Variants in UBAC2 observed in about 807,000 individuals in gnomAD.
UBAC2 encodes the protein ubiquitin-associated domain-containing protein 2.
A neutral mutation model predicts 44.0 loss-of-function variants in UBAC2; 26 were observed. The observed-to-expected ratio is 0.59, with a 90% CI of 0.43 to 0.82. The LOEUF (loss-of-function observed/expected upper bound fraction) is 0.82. UBAC2 is among the 40% of genes least tolerant of loss of function. The probability of loss-of-function intolerance (pLI) is 0.00; values close to 1 mark genes in which losing one functional copy is unlikely to be tolerated. For missense variants in UBAC2, 329 were observed against 419.4 expected (o/e 0.78, Z 1.88); for synonymous variants, 155 against 154.3 (o/e 1.00, Z -0.04).
At chr13:99,253,421 C>A (rs2043485516) in intron 4 of UBAC2, among the ~76,000 whole-genome samples, 1 of 151,964 alleles carries the variant, frequency 6.6e-6, no homozygotes, top group African/African-American at 2.4e-5. Context: ...GTCTAAGGGA[C>A]CTTCTAGTGC....
intron 1 of UBAC2, among the ~76,000 whole-genome samples, chr13:99,216,042 T>C (rs1305109183): frequency 6.6e-6 from 1 of 152,070 alleles, no homozygotes; most frequent in Non-Finnish European, 1.5e-5. Context: ...GTTTTTGCCA[T>C]TAAAGGTAAA....
At chr13:99,232,410 A>G (rs1262342939) in intron 1 of UBAC2, among the ~76,000 whole-genome samples, 1 of 142,680 alleles carries the variant, frequency 7.0e-6, no homozygotes, top group African/African-American at 2.5e-5. Flanking sequence ...ATATAGATAT[A>G]TATATATATA....
chr13:99,361,126 T>A (rs2045259727), intron 7 of UBAC2, among the ~76,000 whole-genome samples: 1 of 152,246 alleles, frequency 6.6e-6, no homozygotes, highest in South Asian at 2.1e-4. Context: ...TGTATGTATG[T>A]ATGAATATAT....
intron 4 of UBAC2, among the ~76,000 whole-genome samples, chr13:99,287,643 C>CTTTTTTTTTTTTTTTTTTTT (rs11304203): frequency 3.2e-5 from 3 of 95,152 alleles, no homozygotes; most frequent in African/African-American, 1.4e-4. Flanking sequence ...TTTTTTCTTT[C>CTTTTTTTTTTTTTTTTTTTT]TTTTTTTTTT....
chr13:99,255,977 T>C, intron 4 of UBAC2: 2 of 1,071,358 alleles, frequency 1.9e-6, no homozygotes, highest in Non-Finnish European at 2.7e-6. Flanking sequence ...ATTCTCCCAC[T>C]CAGCTTGACT....
intron 4 of UBAC2, among the ~76,000 whole-genome samples, chr13:99,303,210 A>G (rs1437941548): frequency 2.2e-4 from 34 of 152,372 alleles, no homozygotes; most frequent in Admixed American, 2.0e-3. Context: ...AAAAAGACAG[A>G]AAAACATCTT....
chr13:99,276,314 C>G (rs117631409), intron 4 of UBAC2, among the ~76,000 whole-genome samples: 1 of 152,352 alleles, frequency 6.6e-6, no homozygotes, highest in Non-Finnish European at 1.5e-5. Context: ...GCCAGTCACA[C>G]GTTTCAGGAC....
chr13:99,255,279 A>T, intron 4 of UBAC2: 1 of 1,614,132 alleles, frequency 6.2e-7, no homozygotes, highest in African/African-American at 1.3e-5. Flanking sequence ...TGAACAAAGG[A>T]ATCAAGAAAA....
At chr13:99,206,335 G>A (rs1464190169) in intron 1 of UBAC2, among the ~76,000 whole-genome samples, 1 of 152,226 alleles carries the variant, frequency 6.6e-6, no homozygotes, top group African/African-American at 2.4e-5. Context: ...GCATGTAAGG[G>A]ATGGATAGAG....
intron 7 of UBAC2, among the ~76,000 whole-genome samples, chr13:99,353,902 G>A (rs760677889): frequency 5.3e-5 from 8 of 152,192 alleles, no homozygotes; most frequent in African/African-American, 9.7e-5. Context: ...GTTGACAGAC[G>A]TGGTTTTGTG....
intron 4 of UBAC2, among the ~76,000 whole-genome samples, chr13:99,276,265 C>G (rs2043880942): frequency 6.6e-6 from 1 of 152,150 alleles, no homozygotes; most frequent in South Asian, 2.1e-4. Flanking sequence ...TCCTACAAGT[C>G]AAAGAGCTCA....
rs1011473809 is a variant in UBAC2 at position 99,200,938 on chromosome 13, C to T, written c.30C>T (p.Leu10=). Residue 10 remains leucine (L), a splice_region_variant and synonymous_variant, in exon 1 of 9, where the codon CTC becomes CTT. Coordinates refer to ENST00000403766, the MANE Select transcript of UBAC2 (RefSeq NM_001144072.2). MFTSTGSSG[L]YKAPLSKSLL... ...TCACCAGCACCGGCTCCAGTGGGCT[C>T]TGTGAGTACCGGCCTCCGCCATCCT... 11 of 1,308,832 alleles carry T rather than the reference C, an allele frequency of 8.4e-6. No individual in the cohort carries two copies. Among genetic ancestry groups the T allele is most frequent in the Admixed American group, 6.3e-5 (2 of 31,718 alleles). The allele number at this position is 1,308,832 out of a possible 1,614,324, so 81.1% of individuals were successfully genotyped here. A position where few individuals can be genotyped will look rare whatever the true frequency, so the allele number is the denominator to read the frequency against.
At chr13:99,236,690 A>C (rs1440932742) in intron 1 of UBAC2, among the ~76,000 whole-genome samples, 2 of 152,180 alleles carry the variant, frequency 1.3e-5, no homozygotes, top group Admixed American at 1.3e-4. Context: ...TCTCTACTAA[A>C]AATACAGAAA....
chr13:99,314,306 G>C, intron 5 of UBAC2, 86 bp downstream of exon 5: 2 of 1,346,350 alleles, frequency 1.5e-6, no homozygotes, highest in Non-Finnish European at 9.6e-7. Flanking sequence ...TGATCTCCTT[G>C]AAAACAATGG....
rs559685194 is a variant in UBAC2 at position 99,333,548 on chromosome 13, C to A, written c.562-6772C>A. On this transcript the variant is annotated intron_variant, in intron 6 of 8. Transcript: ENST00000403766. ...CCAGACACTGTTCTAAGTGCAGAGG[C>A]CAAGTAGTGATCAAAAGCAACCCAA... Among the ~76,000 whole-genome samples the A allele has an allele frequency of 5.9e-5, 9 of 152,276 alleles. No individual in the cohort carries two copies. The East Asian group carries it at 1.5e-3, about 26-fold the overall frequency.
intron 4 of UBAC2, among the ~76,000 whole-genome samples, chr13:99,291,679 A>G (rs1331374373): frequency 3.3e-5 from 5 of 152,166 alleles, no homozygotes; most frequent in Admixed American, 3.3e-4. Flanking sequence ...TAATGTGTCT[A>G]ATTTAAATTA....
chr13:99,256,913 C>T (rs1441322652), intron 4 of UBAC2, among the ~76,000 whole-genome samples: 1 of 152,192 alleles, frequency 6.6e-6, no homozygotes, highest in African/African-American at 2.4e-5. Flanking sequence ...TCAAAAATGT[C>T]ACTTTGCAGA....
intron 4 of UBAC2, among the ~76,000 whole-genome samples, chr13:99,262,457 C>T (rs1354883125): frequency 1.3e-5 from 2 of 152,036 alleles, no homozygotes; most frequent in African/African-American, 2.4e-5. Flanking sequence ...AATCCCAGCA[C>T]TTTGGGAGGC....
At chr13:99,307,746 T>C (rs570489617) in intron 4 of UBAC2, among the ~76,000 whole-genome samples, 32 of 152,316 alleles carry the variant, frequency 2.1e-4, no homozygotes, top group Non-Finnish European at 4.4e-4. Context: ...TTTATATTGA[T>C]TTTGCATGTA....
Sources: allele counts gnomAD v4.1 joint callset (sites outside exome capture counted in the v4.1 genomes callset), GRCh38; gene constraint gnomAD v4.1.1; transcripts MANE v1.5; gene names NCBI Gene and HGNC (gene_info 2026-07-23, HGNC 2026-07-21).